The following TOP3A variants were observed in gnomAD, a reference collection of about 807,000 sequenced individuals.
TOP3A encodes DNA topoisomerase III alpha.
In TOP3A, 64 loss-of-function variants were observed where a neutral mutation model predicts 111.3. The observed-to-expected ratio is 0.57, with a 90% CI of 0.47 to 0.71. The LOEUF (loss-of-function observed/expected upper bound fraction) is 0.71, where lower values mean the gene tolerates loss of function less well. Among genes scored for constraint, TOP3A ranks in the 30% least tolerant of loss-of-function variants. The pLI, the probability that TOP3A is intolerant of heterozygous loss-of-function variation, is 0.00. For missense variants in TOP3A, 1,104 were observed against 1,285.0 expected, an observed-to-expected ratio of 0.86 and a Z score of 2.15; for synonymous variants, 484 against 485.1, an observed-to-expected ratio of 1.00 and a Z score of 0.03.
intron 8 of TOP3A, among the ~76,000 whole-genome samples, chr17:18,301,052 G>A (rs958427272): frequency 6.6e-5 from 10 of 152,180 alleles, no homozygotes; most frequent in South Asian, 4.1e-4. Context: ...GGTCCATAGC[G>A]GGTGCTGCAC....
intron 17 of TOP3A, 40 bp from the exon 18 acceptor site, chr17:18,278,397 G>C (rs1979546017): frequency 6.7e-7 from 1 of 1,489,008 alleles, no homozygotes; most frequent in Admixed American, 2.3e-5. Context: ...TTAACAACCA[G>C]ATGCCAGCTT....
At position 18,296,766 on chromosome 17, in the gene TOP3A, T is replaced by C. The variant is rs558036347; in HGVS notation, c.991-1981A>G. On this transcript the variant is annotated intron_variant, in intron 9 of 18. Transcript: ENST00000321105. ...GTCCAACCTCCAGAGTGAATTCTAA[T>C]AGTAATTCTATCCCAAATTTTCCTG... Among the ~76,000 whole-genome samples the C allele has an allele frequency of 1.3e-3, 192 of 152,340 alleles. 1 individual carries two copies. In the South Asian group the frequency reaches 0.038, roughly 30 times the overall value.
intron 13 of TOP3A, among the ~76,000 whole-genome samples, chr17:18,288,988 A>T (rs954021290): frequency 6.6e-6 from 1 of 151,630 alleles, no homozygotes; most frequent in Non-Finnish European, 1.5e-5. Flanking sequence ...CAGCCTCCCT[A>T]CCTATAGGCA....
In TOP3A at chr17:18,301,684, C is replaced by T. The variant is rs118000694; in HGVS notation, c.915+201G>A. On this transcript the variant is annotated intron_variant, in intron 8 of 18. Coordinates refer to ENST00000321105, the MANE Select transcript of TOP3A (RefSeq NM_004618.5). ...CGTTTCCCAAAATTTCTGATTTTATCTAAAAATAATGTAGATACTTCCCTT... is the reference window on the plus strand; with the variant it reads ...CGTTTCCCAAAATTTCTGATTTTATTTAAAAATAATGTAGATACTTCCCTT... 4.9e-3 allele frequency among the ~76,000 whole-genome samples: 748 copies of T among 152,356 alleles called. 2 individuals carry two copies. The highest frequency in any genetic ancestry group is 7.3e-3 in the Non-Finnish European group (497 of 68,030).
Position 18,305,198 on chromosome 17 carries a change from C to T in TOP3A, c.413G>A (p.Arg138His), listed in dbSNP as rs576988479. The T allele has an allele frequency of 2.3e-5, 37 of 1,614,068 alleles. No individual in the cohort carries two copies. In the Admixed American group the frequency reaches 3.0e-4, roughly 13 times the overall value. ...CCAGATCACCAGAGCCTGGCACTGG[C>T]GAGTCTCTCGTTCCAAAGTTTTCTT... ...DIKKTLERET[R>H]QCQALVIWTD... The change falls in exon 5 of 19, where the codon CGC becomes CAC. Residue 138 changes from arginine to histidine, a missense_variant. Physicochemically the swap from Arg to His is conservative, Grantham distance 29. Transcript: ENST00000321105.
In TOP3A at chr17:18,271,819, T is replaced by C. The variant is rs1396863784; in HGVS notation, c.*2983A>G. 1 of 437,372 alleles carries C rather than the reference T, an allele frequency of 2.3e-6. No homozygotes were observed. Among genetic ancestry groups the C allele is most frequent in the African/African-American group, 2.1e-5 (1 of 47,596 alleles). 27.1% of individuals were successfully genotyped at this position (437,372 alleles called of 1,614,324 possible). A position where few individuals can be genotyped will look rare whatever the true frequency, so the allele number is the denominator to read the frequency against. On this transcript the variant is annotated 3_prime_UTR_variant, in exon 19 of 19. Transcript: ENST00000321105. ...GCTCCTGCCTGTTAATCCTAGCACT[T>C]TGGGAGGCCGAGGCTGGTAGATCAC...
chr17:18,307,316 C>T (rs551988087), intron 3 of TOP3A, among the ~76,000 whole-genome samples: 12 of 152,304 alleles, frequency 7.9e-5, no homozygotes, highest in African/African-American at 1.4e-4. Context: ...TTATAAATTA[C>T]TGCTGGGCGT....
At chr17:18,282,980 C>T (rs557834782) in intron 15 of TOP3A, 139 bp from the exon 16 acceptor site, 46 of 1,124,312 alleles carry the variant, frequency 4.1e-5, no homozygotes, top group East Asian at 9.7e-5. Context: ...AGAGAACAGA[C>T]GGCAGACAGA....
chr17:18,300,409 A>G (rs1380854094), intron 8 of TOP3A, among the ~76,000 whole-genome samples: 1 of 151,968 alleles, frequency 6.6e-6, no homozygotes, highest in East Asian at 1.9e-4. Context: ...GAAAAAAAAA[A>G]GAAATAGGAG....
At chr17:18,277,127 T>C (rs1258200598) in intron 18 of TOP3A, among the ~76,000 whole-genome samples, 1 of 136,256 alleles carries the variant, frequency 7.3e-6, no homozygotes, top group Non-Finnish European at 1.5e-5. Flanking sequence ...GAAGTTGCAG[T>C]GAACCAAGAT....
At chr17:18,305,328 G>C in intron 4 of TOP3A, 108 bp from the exon 5 acceptor site, 1 of 884,572 alleles carries the variant, frequency 1.1e-6, no homozygotes, top group Admixed American at 2.1e-5. Flanking sequence ...CTCTTGGAGT[G>C]TGACAACTTG....
At chr17:18,286,228 G>C (rs983702493) in intron 13 of TOP3A, among the ~76,000 whole-genome samples, 1 of 151,698 alleles carries the variant, frequency 6.6e-6, no homozygotes, top group Non-Finnish European at 1.5e-5. Context: ...AAAGGGCTGG[G>C]CGTGGTGGCT....
Position 18,302,364 on chromosome 17 carries a change from G to A in TOP3A, c.714C>T (p.Leu238=), listed in dbSNP as rs1188861311. Residue 238 remains leucine (L), a synonymous_variant, in exon 7 of 19, where the codon CTC becomes CTT. Transcript: ENST00000321105. ...RIFPEVLAEQ[L]ISYGSCQFPT... ...GGAACTGGCAGCTGCCGTAACTGAT[G>A]AGCTGCTCTGCCAGCACCTCAGGAA... 2 of 1,613,290 alleles carry A rather than the reference G, an allele frequency of 1.2e-6. No homozygotes were observed. The highest frequency in any genetic ancestry group is 1.3e-5 in the African/African-American group (1 of 74,972).
intron 16 of TOP3A, 140 bp from the exon 17 acceptor site, chr17:18,280,798 A>C: frequency 2.1e-6 from 2 of 939,156 alleles, no homozygotes. Flanking sequence ...ATACACAAGC[A>C]CTCATATTGA....
Position 18,294,754 on chromosome 17 carries a change from C to G in TOP3A, c.1022G>C (p.Arg341Thr). The change falls in exon 10 of 19, where the codon AGA becomes ACA. Residue 341 changes from arginine to threonine, a missense_variant. Physicochemically the swap from Arg to Thr is moderately conservative, Grantham distance 71 (BLOSUM62 -1). Coordinates refer to ENST00000321105, the MANE Select transcript of TOP3A (RefSeq NM_004618.5). ...ELEKLASRKL[R>T]INAKETMRIA... ...CCTCATGGTTTCTTTAGCATTTATT[C>G]TCAACTTTCGAGAAGCCAGCTTCTC... 6.2e-7 allele frequency: 1 copy of G among 1,614,052 alleles called. No homozygotes were observed. The highest frequency in any genetic ancestry group is 8.5e-7 in the Non-Finnish European group (1 of 1,179,968).
At chr17:18,285,078 C>A in intron 15 of TOP3A, 64 bp downstream of exon 15, 1 of 1,576,828 alleles carries the variant, frequency 6.3e-7, no homozygotes, top group Non-Finnish European at 8.6e-7. Flanking sequence ...CTCTTGAGGC[C>A]AGGAGTTCAA....
chr17:18,308,465 C>A (rs1490547675), intron 2 of TOP3A, 41 bp from the exon 3 acceptor site: 2 of 1,408,148 alleles, frequency 1.4e-6, no homozygotes, highest in Non-Finnish European at 2.0e-6. Context: ...AGTCTTTTTG[C>A]AGTTATTATT....
intron 16 of TOP3A, among the ~76,000 whole-genome samples, 191 bp downstream of exon 16, chr17:18,282,507 C>T (rs1958183890): frequency 1.3e-5 from 2 of 152,196 alleles, no homozygotes; most frequent in African/African-American, 4.8e-5. Context: ...CTCTGAATTC[C>T]CATAGTGCTT....
At chr17:18,303,150 G>A (rs1296170485) in intron 5 of TOP3A, 1 of 159,792 alleles carries the variant, frequency 6.3e-6, no homozygotes, top group Non-Finnish European at 1.4e-5. Context: ...AAAGGATTTA[G>A]GCCTGTGCAG....
Sources: allele counts gnomAD v4.1 joint callset (sites outside exome capture counted in the v4.1 genomes callset), GRCh38; gene constraint gnomAD v4.1.1; transcripts MANE v1.5; gene names NCBI Gene and HGNC (gene_info 2026-07-23, HGNC 2026-07-21).